The following RBFOX1 variants were observed in gnomAD, a reference collection of about 807,000 sequenced individuals.
RBFOX1 encodes RNA binding protein fox-1 homolog 1.
RBFOX1 carries 8 observed loss-of-function variants against 57.7 expected under a neutral mutation model. The ratio of observed to expected loss-of-function variants is 0.14; its 90% CI spans 0.08 to 0.25. The LOEUF is 0.25. RBFOX1 is among the 10% of genes least tolerant of loss of function. The pLI is 1.00. For synonymous variants in RBFOX1, 326 were observed against 222.4 expected (o/e 1.47, Z -4.15); for missense variants, 611 against 548.5 (o/e 1.11, Z -1.14).
Position 6,685,529 on chromosome 16 carries a change from C to G in RBFOX1, c.-16+30879C>G, listed in dbSNP as rs190961544. Among the ~76,000 whole-genome samples the G allele has an allele frequency of 3.0e-4, 45 of 150,052 alleles. No individual in the cohort carries two copies. In the East Asian group the frequency reaches 6.5e-3, roughly 22 times the overall value. On this transcript the variant is annotated intron_variant, in intron 3 of 15. Transcript: ENST00000550418. ...TGTCGAACTCCTCACCTCCGGTGAT[C>G]CGCGTTCCTCACTCTCCCAAAGTGC...
intron 2 of RBFOX1, among the ~76,000 whole-genome samples, chr16:6,627,913 C>T (rs1211489146): frequency 6.6e-6 from 1 of 152,190 alleles, no homozygotes; most frequent in African/African-American, 2.4e-5. Flanking sequence ...TCATCACTCC[C>T]TAAAGGGGCC....
At chr16:5,749,604 A>G (rs937178696) in intron 3 of RBFOX1, among the ~76,000 whole-genome samples, 2 of 151,998 alleles carry the variant, frequency 1.3e-5, no homozygotes, top group African/African-American at 4.8e-5. Context: ...TTCTCGCTTC[A>G]TTTCATTCAT....
chr16:7,366,371 G>A (rs1307159464), intron 4 of RBFOX1, among the ~76,000 whole-genome samples: 1 of 152,212 alleles, frequency 6.6e-6, no homozygotes, highest in Non-Finnish European at 1.5e-5. Flanking sequence ...AACGAAGGCT[G>A]TGCATGTTTC....
At chr16:6,105,942 G>T (rs1221027274) in intron 1 of RBFOX1, among the ~76,000 whole-genome samples, 1 of 151,276 alleles carries the variant, frequency 6.6e-6, no homozygotes, top group African/African-American at 2.4e-5. Context: ...CAACATTTTT[G>T]GATACACCAT....
intron 11 of RBFOX1, among the ~76,000 whole-genome samples, chr16:7,640,904 T>TAG (rs1555702672): frequency 0.066 from 9,759 of 147,166 alleles, 596 homozygotes; most frequent in African/African-American, 0.16. Flanking sequence ...GGATTTACAT[T>TAG]AAAAAAAAAA....
At chr16:7,112,976 C>G (rs533059418) in intron 4 of RBFOX1, among the ~76,000 whole-genome samples, 4 of 152,040 alleles carry the variant, frequency 2.6e-5, no homozygotes, top group African/African-American at 9.7e-5. Flanking sequence ...AAGGCGCTGC[C>G]GAATTGGTTG....
intron 3 of RBFOX1, among the ~76,000 whole-genome samples, chr16:6,883,295 A>C (rs1051776573): frequency 6.6e-6 from 1 of 152,132 alleles, no homozygotes; most frequent in East Asian, 1.9e-4. Context: ...GCTTAATGCT[A>C]CTTTTTGTTG....
intron 3 of RBFOX1, among the ~76,000 whole-genome samples, chr16:6,804,114 C>T (rs377483087): frequency 2.0e-5 from 3 of 151,920 alleles, no homozygotes; most frequent in Non-Finnish European, 4.4e-5. Flanking sequence ...TCAAGTGATT[C>T]TCCTTGCCTC....
At chr16:6,239,464 C>A (rs1182871180) in intron 1 of RBFOX1, among the ~76,000 whole-genome samples, 5 of 130,578 alleles carry the variant, frequency 3.8e-5, no homozygotes, top group South Asian at 2.8e-4. Context: ...TTAAGAATAA[C>A]TTATTCTTCT....
chr16:6,976,327 A>G (rs1050768817), intron 3 of RBFOX1, among the ~76,000 whole-genome samples: 7 of 152,122 alleles, frequency 4.6e-5, no homozygotes, highest in African/African-American at 1.4e-4. Flanking sequence ...CACACTCTAA[A>G]TTTCTCCTCT....
At chr16:5,923,977 C>G (rs1294733549) in intron 4 of RBFOX1, among the ~76,000 whole-genome samples, 1 of 152,116 alleles carries the variant, frequency 6.6e-6, no homozygotes, top group Non-Finnish European at 1.5e-5. Flanking sequence ...CCATAATCTC[C>G]ACGTGTCAAG....
At chr16:6,831,975 C>G (rs1389195045) in intron 3 of RBFOX1, among the ~76,000 whole-genome samples, 1 of 152,154 alleles carries the variant, frequency 6.6e-6, no homozygotes, top group Non-Finnish European at 1.5e-5. Context: ...GAAGATGTTG[C>G]TAATGGGAAT....
At chr16:5,457,699 C>T (rs2068671917) in intron 1 of RBFOX1, among the ~76,000 whole-genome samples, 1 of 152,222 alleles carries the variant, frequency 6.6e-6, no homozygotes, top group Non-Finnish European at 1.5e-5. Context: ...CAGGACAATG[C>T]ACCCACCCCT....
At chr16:6,416,030 A>C (rs1051517760) in intron 2 of RBFOX1, among the ~76,000 whole-genome samples, 1 of 152,212 alleles carries the variant, frequency 6.6e-6, no homozygotes, top group Non-Finnish European at 1.5e-5. Flanking sequence ...TGTTTCTGAG[A>C]TGAGCTACAA....
chr16:6,569,907 A>G (rs750114325), intron 2 of RBFOX1, among the ~76,000 whole-genome samples: 2 of 152,202 alleles, frequency 1.3e-5, no homozygotes, highest in Non-Finnish European at 2.9e-5. Context: ...TGTGTTTGCT[A>G]TAAGTACTGT....
chr16:7,016,774 G>A (rs1172959676), intron 3 of RBFOX1, among the ~76,000 whole-genome samples: 1 of 152,192 alleles, frequency 6.6e-6, no homozygotes, highest in East Asian at 1.9e-4. Flanking sequence ...TTAGGATGCT[G>A]TGAGCAGGGT....
intron 4 of RBFOX1, among the ~76,000 whole-genome samples, chr16:7,241,729 A>G (rs1452016931): frequency 1.3e-5 from 2 of 152,124 alleles, no homozygotes; most frequent in Non-Finnish European, 2.9e-5. Flanking sequence ...ATATATGCAT[A>G]TACACAAACA....
Position 6,261,286 on chromosome 16 carries a change from A to G in RBFOX1, c.-126-55709A>G, listed in dbSNP as rs78941590. Among the ~76,000 whole-genome samples, 1,401 of 152,316 alleles carry G rather than the reference A, an allele frequency of 9.2e-3. 23 individuals are homozygous for G. Among genetic ancestry groups the G allele is most frequent in the African/African-American group, 0.032 (1,322 of 41,578 alleles). ...TATCCTCATTGTGTGTGTTTCACCAAAATCAGTGTCTTTGAGTCCTGGTGT... is the reference window on the plus strand; with the variant it reads ...TATCCTCATTGTGTGTGTTTCACCAGAATCAGTGTCTTTGAGTCCTGGTGT... On this transcript the variant is annotated intron_variant, in intron 1 of 15. Coordinates refer to ENST00000550418, the MANE Select transcript of RBFOX1 (RefSeq NM_018723.4).
chr16:7,702,198 A>G (rs1037118171), intron 14 of RBFOX1, among the ~76,000 whole-genome samples: 16 of 152,186 alleles, frequency 1.1e-4, no homozygotes, highest in Non-Finnish European at 4.4e-5. Flanking sequence ...TGTGTGGTAA[A>G]TATTTATTGG....
Sources: gnomAD v4.1 joint callset for allele counts (sites outside exome capture counted in the v4.1 genomes callset) on GRCh38, gnomAD v4.1.1 for gene constraint, MANE v1.5 for transcripts, NCBI Gene and HGNC (gene_info 2026-07-23, HGNC 2026-07-21) for gene names.